CHEK1: variants seen among roughly 807,000 people sequenced by gnomAD.
CHEK1 encodes serine/threonine-protein kinase Chk1.
CHEK1 carries 32 observed loss-of-function variants against 60.2 expected under a neutral mutation model. The ratio of observed to expected loss-of-function variants is 0.53; its 90% CI spans 0.40 to 0.71. The LOEUF is 0.71. CHEK1 is among the 30% of genes least tolerant of loss of function. The pLI is 0.00. For missense variants in CHEK1, 399 were observed against 564.6 expected, an observed-to-expected ratio of 0.71 and a Z score of 2.97; for synonymous variants, 179 against 187.2, an observed-to-expected ratio of 0.96 and a Z score of 0.36.
intron 13 of CHEK1, among the ~76,000 whole-genome samples, chr11:125,673,432 A>G (rs573126989): frequency 6.6e-6 from 1 of 151,448 alleles, no homozygotes; most frequent in South Asian, 2.1e-4. Context: ...CGATCTCCTG[A>G]CCTTGTGATC....
downstream of CHEK1, chr11:125,676,597 G>T: frequency 7.9e-7 from 1 of 1,270,408 alleles, no homozygotes; most frequent in Non-Finnish European, 1.1e-6. Flanking sequence ...TTATTTCTTA[G>T]TTCTTTTTGG....
chr11:125,638,486 C>G (rs1477038342), intron 8 of CHEK1, among the ~76,000 whole-genome samples: 1 of 152,172 alleles, frequency 6.6e-6, no homozygotes, highest in East Asian at 1.9e-4. Context: ...TAATGTTTAA[C>G]TCTGTCCTCA....
chr11:125,668,081 T>C (rs1220229205), intron 13 of CHEK1, among the ~76,000 whole-genome samples: 1 of 152,250 alleles, frequency 6.6e-6, no homozygotes, highest in Non-Finnish European at 1.5e-5. Flanking sequence ...ACAGACAACC[T>C]GGTTTAGTTA....
intron 5 of CHEK1, among the ~76,000 whole-genome samples, chr11:125,630,145 A>T (rs1486653424): frequency 2.0e-5 from 3 of 152,156 alleles, no homozygotes; most frequent in Non-Finnish European, 4.4e-5. Flanking sequence ...AAATGTAAGA[A>T]ATTTAGTTAT....
chr11:125,643,984 C>A, intron 9 of CHEK1, 84 bp downstream of exon 9: 8 of 1,522,392 alleles, frequency 5.3e-6, no homozygotes, highest in South Asian at 1.2e-5. Flanking sequence ...TCATAATAAT[C>A]GACATTAACA....
At chr11:125,641,773 TC>T (rs1941310541) in intron 8 of CHEK1, among the ~76,000 whole-genome samples, 1 of 150,468 alleles carries the variant, frequency 6.6e-6, no homozygotes, top group Non-Finnish European at 1.5e-5. Flanking sequence ...TTTAAAAAAA[TC>T]TTAGAATCTG....
At chr11:125,664,199 A>G (rs1005860083) in intron 13 of CHEK1, among the ~76,000 whole-genome samples, 7 of 150,678 alleles carry the variant, frequency 4.6e-5, no homozygotes, top group Non-Finnish European at 1.0e-4. Context: ...ATGTGGTAAT[A>G]TGCATTTCCC....
At chr11:125,657,613 A>G (rs1379531445), downstream of CHEK1, among the ~76,000 whole-genome samples, 1 of 151,966 alleles carries the variant, frequency 6.6e-6, no homozygotes, top group Non-Finnish European at 1.5e-5. Flanking sequence ...CTTTATATAC[A>G]TTTTGCTGTA....
At chr11:125,668,562 T>C (rs1303873562) in intron 13 of CHEK1, among the ~76,000 whole-genome samples, 1 of 152,102 alleles carries the variant, frequency 6.6e-6, no homozygotes, top group East Asian at 1.9e-4. Flanking sequence ...TGAGACAAGA[T>C]CTGTTGTCTC....
At chr11:125,648,880 T>C (rs2136044483) in intron 11 of CHEK1, among the ~76,000 whole-genome samples, 1 of 152,298 alleles carries the variant, frequency 6.6e-6, no homozygotes, top group South Asian at 2.1e-4. Context: ...GGATTTTTTT[T>C]CCCTTTATTA....
chr11:125,677,891 CTGTTCACCGGAGCCA>C (rs1206010695), downstream of CHEK1: 3 of 1,613,894 alleles, frequency 1.9e-6, no homozygotes, highest in Admixed American at 3.3e-5. Context: ...CACCAGAAGG[CTGTTCACCGGAGCCA>C]TGTTCACCTG....
intron 13 of CHEK1, among the ~76,000 whole-genome samples, chr11:125,668,075 A>G (rs1232937285): frequency 6.6e-6 from 1 of 152,226 alleles, no homozygotes; most frequent in African/African-American, 2.4e-5. Context: ...CTTCTCACAG[A>G]CAACCTGGTT....
chr11:125,643,673 T>C (rs1231187829), intron 8 of CHEK1, 119 bp from the exon 9 acceptor site: 22 of 691,436 alleles, frequency 3.2e-5, no homozygotes, highest in Non-Finnish European at 5.1e-5. Context: ...TTACAAAAAT[T>C]TTGTGTTAAA....
chr11:125,667,495 T>C (rs1209510164), intron 13 of CHEK1, among the ~76,000 whole-genome samples: 1 of 152,224 alleles, frequency 6.6e-6, no homozygotes, highest in Non-Finnish European at 1.5e-5. Context: ...GAGCCTTGTG[T>C]CAGATTCTTT....
rs575534603 is a variant in CHEK1, at chr11:125,641,419, C to T, written c.815-2373C>T. Among the ~76,000 whole-genome samples the T allele has an allele frequency of 6.6e-5, 10 of 152,264 alleles. 1 individual carries two copies. In the South Asian group the frequency reaches 1.7e-3, roughly 25 times the overall value. On this transcript the variant is annotated intron_variant, in intron 8 of 12. Transcript: ENST00000438015. ...TTTGTTTTCTTCTCCACACTCACTC[C>T]ATTAGTGATATTACTTGGTTTCATG...
At chr11:125,654,056 C>T (rs920402449) in intron 12 of CHEK1, among the ~76,000 whole-genome samples, 2 of 151,930 alleles carry the variant, frequency 1.3e-5, no homozygotes, top group African/African-American at 4.8e-5. Context: ...TTTTGCCAGG[C>T]GTGGTGGCTC....
At chr11:125,631,929 A>C (rs1192231088) in intron 5 of CHEK1, among the ~76,000 whole-genome samples, 1 of 151,768 alleles carries the variant, frequency 6.6e-6, no homozygotes, top group Non-Finnish European at 1.5e-5. Context: ...GATAGAGGTA[A>C]ACATTTCATT....
intron 13 of CHEK1, among the ~76,000 whole-genome samples, chr11:125,663,348 A>G (rs1942050311): frequency 6.6e-6 from 1 of 152,162 alleles, no homozygotes; most frequent in African/African-American, 2.4e-5. Context: ...TTTAAGACTG[A>G]AGCATTTCAA....
intron 11 of CHEK1, among the ~76,000 whole-genome samples, chr11:125,650,680 C>T (rs1396620621): frequency 6.6e-6 from 1 of 152,062 alleles, no homozygotes; most frequent in African/African-American, 2.4e-5. Context: ...TCTCGAACTC[C>T]TGACCTCAGG....
Sources: gnomAD v4.1 joint callset for allele counts (sites outside exome capture counted in the v4.1 genomes callset) on GRCh38, gnomAD v4.1.1 for gene constraint, MANE v1.5 for transcripts, NCBI Gene and HGNC (gene_info 2026-07-23, HGNC 2026-07-21) for gene names.